Variants in OSBPL9 observed in about 807,000 individuals in gnomAD.
The protein encoded by OSBPL9 is oxysterol-binding protein-related protein 9.
In OSBPL9, 40 loss-of-function variants were observed where a neutral mutation model predicts 106.6. That is an observed-to-expected ratio of 0.38 (90% CI 0.29 to 0.49). OSBPL9 has a LOEUF of 0.49. Ranked by LOEUF, OSBPL9 falls within the 20% of genes least tolerant of loss-of-function variation. OSBPL9 has a pLI of 0.97. For missense variants in OSBPL9, 609 were observed against 887.2 expected (o/e 0.69, Z 3.98); for synonymous variants, 269 against 295.4 (o/e 0.91, Z 0.92).
At chr1:51,733,950 G>A (rs1665069055) in intron 4 of OSBPL9, among the ~76,000 whole-genome samples, 1 of 152,130 alleles carries the variant, frequency 6.6e-6, no homozygotes, top group Non-Finnish European at 1.5e-5. Flanking sequence ...GAATGTCAGG[G>A]AAACTGCTTT....
intron 15 of OSBPL9, among the ~76,000 whole-genome samples, chr1:51,779,426 A>C (rs993412387): frequency 1.3e-5 from 2 of 152,242 alleles, no homozygotes; most frequent in African/African-American, 4.8e-5. Context: ...ACTTAAATCT[A>C]AGACCTAAAA....
At chr1:51,586,704 T>C (rs1453198949) in intron 1 of OSBPL9, among the ~76,000 whole-genome samples, 1 of 152,132 alleles carries the variant, frequency 6.6e-6, no homozygotes, top group Non-Finnish European at 1.5e-5. Flanking sequence ...CGGGTCACAA[T>C]GGAAGCAGCA....
chr1:51,568,270 C>T, the OSBPL9 span, among the ~76,000 whole-genome samples: 1 of 152,206 alleles, frequency 6.6e-6, no homozygotes, highest in African/African-American at 2.4e-5. Context: ...CTGTGTCAGG[C>T]ATTTTATACC....
At chr1:51,684,970 G>A (rs756761358) in intron 3 of OSBPL9, among the ~76,000 whole-genome samples, 6 of 148,754 alleles carry the variant, frequency 4.0e-5, no homozygotes, top group Non-Finnish European at 8.9e-5. Flanking sequence ...GGAATGCAGT[G>A]GCAGGATCAT....
In OSBPL9 at chr1:51,772,064, T is replaced by C; in HGVS notation, c.939-6T>C. ...AGCTTAAATAAGGTAATTAATGTTT[T>C]TATAGTTCTTCTGGATCTGCCTCAG... On this transcript the variant is annotated splice_polypyrimidine_tract_variant and splice_region_variant and intron_variant, in intron 12 of 23. Transcript: ENST00000428468. The C allele has an allele frequency of 1.2e-6, 2 of 1,604,872 alleles. No homozygotes were observed. Among genetic ancestry groups the C allele is most frequent in the Non-Finnish European group, 1.7e-6 (2 of 1,174,718 alleles).
upstream of OSBPL9, among the ~76,000 whole-genome samples, chr1:51,613,882 C>T (rs1430369404): frequency 6.6e-6 from 1 of 152,102 alleles, no homozygotes; most frequent in Non-Finnish European, 1.5e-5. Flanking sequence ...GCTAGTACTA[C>T]AGGCATGAGC....
At chr1:51,552,883 A>T in the OSBPL9 span, among the ~76,000 whole-genome samples, 1 of 151,860 alleles carries the variant, frequency 6.6e-6, no homozygotes, top group Non-Finnish European at 1.5e-5. Flanking sequence ...TCAGCCTCCC[A>T]AAGTGCTGGG....
In OSBPL9 at chr1:51,776,822, A is replaced by G. The variant is rs1236226649; in HGVS notation, c.1171-11A>G. 25 of 1,573,448 alleles carry G rather than the reference A, an allele frequency of 1.6e-5. No homozygotes were observed. The highest frequency in any genetic ancestry group is 1.5e-4 in the Admixed American group (9 of 59,746). ...TTTGATCTTCAAGGGTCAAATGTGT[A>G]TGTTTTTCAGGTAGTTCTTCCAACG... is the stretch of plus-strand genomic sequence containing the variant. On this transcript the variant is annotated splice_polypyrimidine_tract_variant and intron_variant, in intron 14 of 23. Transcript: ENST00000428468.
At chr1:51,682,932 A>C (rs1652902078) in intron 3 of OSBPL9, among the ~76,000 whole-genome samples, 1 of 150,310 alleles carries the variant, frequency 6.7e-6, no homozygotes, top group Admixed American at 6.7e-5. Context: ...GCTAGAGTGC[A>C]ATGGCATGAT....
chr1:51,568,822 C>T, the OSBPL9 span, among the ~76,000 whole-genome samples: 1 of 152,210 alleles, frequency 6.6e-6, no homozygotes, highest in African/African-American at 2.4e-5. Context: ...CTCCATCTCC[C>T]AGGTTCAAGC....
chr1:51,526,872 G>A, the OSBPL9 span, among the ~76,000 whole-genome samples: 3 of 152,014 alleles, frequency 2.0e-5, no homozygotes, highest in Non-Finnish European at 4.4e-5. Flanking sequence ...AGCCTCCTGA[G>A]TAGCTGGGAT....
chr1:51,785,625 C>T (rs770611114), intron 20 of OSBPL9, 183 bp from the exon 21 acceptor site: 12 of 563,216 alleles, frequency 2.1e-5, no homozygotes, highest in South Asian at 8.8e-5. Flanking sequence ...AGTTCATAAG[C>T]GTCCTGTTGA....
At chr1:51,741,285 T>G (rs1281120657) in intron 4 of OSBPL9, among the ~76,000 whole-genome samples, 1 of 152,210 alleles carries the variant, frequency 6.6e-6, no homozygotes, top group African/African-American at 2.4e-5. Flanking sequence ...TCTCTCTCTA[T>G]TAAACTGGAT....
chr1:51,624,307 C>G (rs1196353314), intron 1 of OSBPL9, among the ~76,000 whole-genome samples: 1 of 151,994 alleles, frequency 6.6e-6, no homozygotes, highest in Non-Finnish European at 1.5e-5. Flanking sequence ...TCTAAATGGG[C>G]TGGGTGCAGT....
intron 12 of OSBPL9, among the ~76,000 whole-genome samples, chr1:51,770,297 A>G (rs1268290008): frequency 6.6e-6 from 1 of 152,038 alleles, no homozygotes; most frequent in Non-Finnish European, 1.5e-5. Context: ...GCATGCCACC[A>G]CGCTCGGCTA....
At chr1:51,519,035 C>T in the OSBPL9 span, among the ~76,000 whole-genome samples, 2 of 151,240 alleles carry the variant, frequency 1.3e-5, no homozygotes, top group Non-Finnish European at 3.0e-5. Flanking sequence ...CCGGAGGGCG[C>T]CCTCCCGCAG....
chr1:51,565,160 C>A, the OSBPL9 span, among the ~76,000 whole-genome samples: 3 of 152,178 alleles, frequency 2.0e-5, no homozygotes, highest in Non-Finnish European at 4.4e-5. Context: ...ATGCTGACCC[C>A]TGCCTGACCT....
At chr1:51,755,430 A>G (rs1670125182) in intron 8 of OSBPL9, among the ~76,000 whole-genome samples, 1 of 152,208 alleles carries the variant, frequency 6.6e-6, no homozygotes, top group Admixed American at 6.5e-5. Flanking sequence ...TAATGGTTTT[A>G]CTTAGGATTC....
the OSBPL9 span, among the ~76,000 whole-genome samples, chr1:51,522,588 A>G: frequency 2.0e-5 from 3 of 152,328 alleles, no homozygotes; most frequent in Middle Eastern, 3.4e-3. Flanking sequence ...ACTGGGTCAT[A>G]TCCCAAATCT....
Sources: gnomAD v4.1 joint callset for allele counts (sites outside exome capture counted in the v4.1 genomes callset) on GRCh38, gnomAD v4.1.1 for gene constraint, MANE v1.5 for transcripts, NCBI Gene and HGNC (gene_info 2026-07-23, HGNC 2026-07-21) for gene names.